Variants in FAM118B observed in about 807,000 individuals in gnomAD.
The protein encoded by FAM118B is protein FAM118B.
A neutral mutation model predicts 38.5 loss-of-function variants in FAM118B; 24 were observed. The observed-to-expected ratio is 0.62, with a 90% CI of 0.45 to 0.88. FAM118B has a LOEUF of 0.88. FAM118B is among the 40% of genes least tolerant of loss of function. The pLI is 0.00. For synonymous variants in FAM118B, 138 were observed against 156.3 expected (o/e 0.88, Z 0.87); for missense variants, 334 against 420.0 (o/e 0.80, Z 1.79).
chr11:126,241,200 T>C, intron 4 of FAM118B, 156 bp downstream of exon 4: 2 of 705,354 alleles, frequency 2.8e-6, no homozygotes, highest in East Asian at 2.7e-5. Context: ...TTCTGCGCAA[T>C]GTCTGTTTAT....
chr11:126,214,077 G>A (rs1487071698), intron 1 of FAM118B, among the ~76,000 whole-genome samples: 1 of 152,246 alleles, frequency 6.6e-6, no homozygotes, highest in East Asian at 1.9e-4. Context: ...GGCCGGGCGC[G>A]GTGGCCCACG....
chr11:126,220,095 G>A (rs934807971), intron 1 of FAM118B, among the ~76,000 whole-genome samples: 5 of 152,128 alleles, frequency 3.3e-5, no homozygotes, highest in African/African-American at 9.7e-5. Context: ...ACATAAATCC[G>A]AATGTCAGCA....
At position 126,250,494 on chromosome 11, in the gene FAM118B, A is replaced by T. The variant is rs1950487920; in HGVS notation, c.340-12A>T. 6.3e-7 allele frequency: 1 copy of T among 1,594,656 alleles called. No individual in the cohort carries two copies. The highest frequency in any genetic ancestry group is 1.3e-5 in the African/African-American group (1 of 74,236). ...CTTTGGACTAATTTTCTTTTTTCAA[A>T]TCCCTCCTCAGCGTACCAGTAATGT... On this transcript the variant is annotated splice_polypyrimidine_tract_variant and intron_variant, in intron 4 of 8. Coordinates refer to ENST00000533050, the MANE Select transcript of FAM118B (RefSeq NM_024556.4). The surrounding 1 kb of genome is among the most constrained non-coding windows in gnomAD (Gnocchi z 5.1).
rs554984976 is a variant in FAM118B at position 126,256,303 on chromosome 11, T to C, written c.697-264T>C. Among the ~76,000 whole-genome samples, 2 of 152,210 alleles carry C rather than the reference T, an allele frequency of 1.3e-5. No individual in the cohort carries two copies. The highest frequency in any genetic ancestry group is 2.4e-5 in the African/African-American group (1 of 41,458). On this transcript the variant is annotated intron_variant, in intron 6 of 8. Transcript: ENST00000533050. This position sits in a 1 kb window ranked among gnomAD's most constrained non-coding sequence, Gnocchi z 6.6. ...AAGCATAAAAAATAAAGAAGTAAAC[T>C]ACTGCACCAGTACACTGACACCAGC...
intron 4 of FAM118B, among the ~76,000 whole-genome samples, chr11:126,247,763 C>T (rs1194381258): frequency 6.6e-6 from 1 of 150,982 alleles, no homozygotes; most frequent in African/African-American, 2.4e-5. Flanking sequence ...GAGGCTGAGG[C>T]AGGGGAATTG....
intron 6 of FAM118B, among the ~76,000 whole-genome samples, chr11:126,254,962 A>G (rs759239479): frequency 6.6e-5 from 10 of 152,194 alleles, no homozygotes; most frequent in Non-Finnish European, 1.3e-4. Context: ...TTAATTGACA[A>G]CCAGCAGATG....
intron 4 of FAM118B, among the ~76,000 whole-genome samples, chr11:126,247,556 G>A (rs1177775137): frequency 6.6e-6 from 1 of 151,958 alleles, no homozygotes; most frequent in African/African-American, 2.4e-5. Context: ...TAATAAAACT[G>A]GTGTTAAAAT....
At chr11:126,233,185 A>G (rs1950229279) in intron 2 of FAM118B, among the ~76,000 whole-genome samples, 1 of 152,198 alleles carries the variant, frequency 6.6e-6, no homozygotes, top group Non-Finnish European at 1.5e-5. Context: ...TACTTTTAAC[A>G]AACATCCCAG....
intron 2 of FAM118B, among the ~76,000 whole-genome samples, chr11:126,231,101 A>G (rs1950201315): frequency 6.6e-6 from 1 of 152,172 alleles, no homozygotes; most frequent in East Asian, 1.9e-4. Context: ...CAGCCTTAAC[A>G]TTTCTGTTAA....
chr11:126,249,751 A>G (rs55869880), intron 4 of FAM118B, among the ~76,000 whole-genome samples: 4,188 of 149,562 alleles, frequency 0.028, 192 homozygotes, highest in African/African-American at 0.096. Flanking sequence ...AAAAAAAAAA[A>G]AAAGAAAAAG....
At chr11:126,232,175 A>AT (rs1227411734) in intron 2 of FAM118B, among the ~76,000 whole-genome samples, 2 of 152,054 alleles carry the variant, frequency 1.3e-5, no homozygotes, top group Non-Finnish European at 2.9e-5. Context: ...TTTGTTTTTA[A>AT]TATTTGCATT....
At chr11:126,226,004 A>T (rs1464906455) in intron 1 of FAM118B, among the ~76,000 whole-genome samples, 1 of 152,250 alleles carries the variant, frequency 6.6e-6, no homozygotes, top group African/African-American at 2.4e-5. Flanking sequence ...AGATTACTAA[A>T]TAAAATGTTG....
rs1950348625 is a variant in FAM118B at position 126,240,946 on chromosome 11, C to A, written c.241C>A (p.Leu81Ile). 6.2e-7 allele frequency: 1 copy of A among 1,614,084 alleles called. No homozygotes were observed. The highest frequency in any genetic ancestry group is 8.5e-7 in the Non-Finnish European group (1 of 1,180,008). ...ALLDAAIDFDLLEDEESKKFQ... is the reference protein window; with the variant it reads ...ALLDAAIDFDILEDEESKKFQ... ...ACTGGATGCTGCCATTGATTTTGAT[C>A]TTTTAGAAGATGAGGAGAGCAAAAA... The change falls in exon 4 of 9, where the codon CTT becomes ATT. Residue 81 changes from leucine to isoleucine, a missense_variant. Physicochemically the swap from Leu to Ile is conservative, Grantham distance 5. This residue lies in a region of FAM118B where 240 missense variants were observed against 295.9 expected (regional missense o/e 0.81). Coordinates refer to ENST00000533050, the MANE Select transcript of FAM118B (RefSeq NM_024556.4).
intron 1 of FAM118B, among the ~76,000 whole-genome samples, chr11:126,221,281 T>G (rs1950059478): frequency 6.6e-6 from 1 of 152,224 alleles, no homozygotes; most frequent in Non-Finnish European, 1.5e-5. Context: ...ACAGATTTAC[T>G]TTCTTCCCTG....
rs572382364 is a variant in FAM118B at position 126,252,026 on chromosome 11, G to T, written c.567+1293G>T. On this transcript the variant is annotated intron_variant, in intron 5 of 8. Transcript: ENST00000533050. The surrounding 1 kb of genome is among the most constrained non-coding windows in gnomAD (Gnocchi z 4.7). ...TTTGAGATGGAGTTTTGCTCTTGTC[G>T]CCCAGGCTGAAGTGCAATGGCATGA... Among the ~76,000 whole-genome samples the T allele has an allele frequency of 6.6e-6, 1 of 151,376 alleles. No homozygotes were observed. The highest frequency in any genetic ancestry group is 1.5e-5 in the Non-Finnish European group (1 of 67,940).
At chr11:126,215,692 G>A (rs1329245855) in intron 1 of FAM118B, among the ~76,000 whole-genome samples, 3 of 80,446 alleles carry the variant, frequency 3.7e-5, no homozygotes, top group Non-Finnish European at 4.8e-5. Flanking sequence ...ATGAGACTCC[G>A]TCTCAAAAAA....
At chr11:126,246,999 A>G (rs1439401077) in intron 4 of FAM118B, among the ~76,000 whole-genome samples, 2 of 152,176 alleles carry the variant, frequency 1.3e-5, no homozygotes, top group South Asian at 2.1e-4. Context: ...TCTCTACACA[A>G]ATTTTAAAAT....
At chr11:126,257,579 T>G (rs1950598485) in intron 7 of FAM118B, among the ~76,000 whole-genome samples, 1 of 150,400 alleles carries the variant, frequency 6.6e-6, no homozygotes, top group African/African-American at 2.4e-5. Flanking sequence ...AATACCATGG[T>G]CAGCTATATT....
Position 126,235,005 on chromosome 11 carries a change from G to C in FAM118B, c.4G>C (p.Ala2Pro), listed in dbSNP as rs981018046. 2 of 1,613,612 alleles carry C rather than the reference G, an allele frequency of 1.2e-6. No individual in the cohort carries two copies. The highest frequency in any genetic ancestry group is 2.7e-5 in the African/African-American group (2 of 74,900). The change falls in exon 3 of 9, where the codon GCT becomes CCT. Residue 2 changes from alanine (A) to proline (P), a missense_variant. Around this residue, in one of 3 missense-constraint regions of FAM118B, gnomAD observed 240 missense variants for 295.9 expected, o/e 0.81. Transcript: ENST00000533050. M[A>P]STGSQASDID... Reference sequence around the variant, plus strand: ...TTTAATCTATTTTAGAAACTGGATGGCTTCTACAGGGAGCCAGGCCTCTGA... The same window carrying C: ...TTTAATCTATTTTAGAAACTGGATGCCTTCTACAGGGAGCCAGGCCTCTGA...
Sources: allele counts gnomAD v4.1 joint callset (sites outside exome capture counted in the v4.1 genomes callset), GRCh38; gene constraint gnomAD v4.1.1; regional missense constraint gnomAD v4.1.1; non-coding constraint Gnocchi (gnomAD v3.1); transcripts MANE v1.5; gene names NCBI Gene and HGNC (gene_info 2026-07-23, HGNC 2026-07-21).